The following LRRC28 variants were observed in gnomAD, a reference collection of about 807,000 sequenced individuals.
The protein encoded by LRRC28 is leucine-rich repeat-containing protein 28.
In LRRC28, 39 loss-of-function variants were observed where a neutral mutation model predicts 45.7. The ratio of observed to expected loss-of-function variants is 0.85; its 90% CI spans 0.66 to 1.12. The LOEUF is 1.12. Among genes scored for constraint, LRRC28 ranks in the 50% most tolerant of loss-of-function variants. The probability of loss-of-function intolerance (pLI) is 0.00; values close to 1 mark genes in which losing one functional copy is unlikely to be tolerated. For missense variants in LRRC28, 435 were observed against 438.5 expected (o/e 0.99, Z 0.07); for synonymous variants, 206 against 178.8 (o/e 1.15, Z -1.22).
rs115547993 is a variant in LRRC28, at chr15:99,311,080, C to T, written c.386-22843C>T. ...GTCTGCACACATGCCATTTCACTAC[C>T]CTTTTTGGTTTGCTTGCGTGGAGCT... On this transcript the variant is annotated intron_variant, in intron 5 of 9. Transcript: ENST00000301981. 2.7e-3 allele frequency among the ~76,000 whole-genome samples: 413 copies of T among 152,262 alleles called. 4 individuals are homozygous for T. The highest frequency in any genetic ancestry group is 9.3e-3 in the African/African-American group (385 of 41,554).
chr15:99,293,859 TAGTGC>T (rs2152227115), intron 5 of LRRC28, among the ~76,000 whole-genome samples: 1 of 152,296 alleles, frequency 6.6e-6, no homozygotes, highest in African/African-American at 2.4e-5. Flanking sequence ...GTATTTGTTT[TAGTGC>T]AGTTCTACTG....
At chr15:99,329,178 G>C (rs370047767) in intron 5 of LRRC28, among the ~76,000 whole-genome samples, 1 of 152,134 alleles carries the variant, frequency 6.6e-6, no homozygotes, top group Non-Finnish European at 1.5e-5. Context: ...TTAAGTGTAT[G>C]AGGCTACTTA....
chr15:99,324,479 T>C (rs1445836844), intron 5 of LRRC28, among the ~76,000 whole-genome samples: 6 of 152,130 alleles, frequency 3.9e-5, no homozygotes, highest in African/African-American at 7.2e-5. Context: ...AAGTCTGTCA[T>C]TGACTCTCTG....
intron 5 of LRRC28, among the ~76,000 whole-genome samples, chr15:99,316,623 G>A (rs950368299): frequency 6.6e-6 from 1 of 151,464 alleles, no homozygotes; most frequent in Non-Finnish European, 1.5e-5. Context: ...GCCTGTTTTT[G>A]CTTATAGGGA....
chr15:99,372,126 C>T (rs947623945), intron 9 of LRRC28, among the ~76,000 whole-genome samples: 14 of 152,178 alleles, frequency 9.2e-5, no homozygotes, highest in African/African-American at 1.9e-4. Context: ...GCTTGACTTC[C>T]TGTACGAGTC....
chr15:99,296,292 C>T (rs1026414114), intron 5 of LRRC28, among the ~76,000 whole-genome samples: 1 of 152,214 alleles, frequency 6.6e-6, no homozygotes, highest in Non-Finnish European at 1.5e-5. Flanking sequence ...GTTTCCTCAT[C>T]ACTTCCATTG....
chr15:99,333,873 AT>A, intron 5 of LRRC28, 49 bp from the exon 6 acceptor site: 1 of 1,568,288 alleles, frequency 6.4e-7, no homozygotes, highest in Non-Finnish European at 8.8e-7. Flanking sequence ...CATTTTGTTT[AT>A]TTCAGTTCAT....
chr15:99,286,978 A>C, intron 3 of LRRC28: 1 of 261,432 alleles, frequency 3.8e-6, no homozygotes, highest in Non-Finnish European at 7.3e-6. Context: ...TATGAAGTTA[A>C]AAAGACCTTA....
At chr15:99,366,580 C>T in intron 9 of LRRC28, among the ~76,000 whole-genome samples, 1 of 152,118 alleles carries the variant, frequency 6.6e-6, no homozygotes, top group East Asian at 1.9e-4. Flanking sequence ...CTCTTCCTAG[C>T]TTGCAGGCAA....
intron 6 of LRRC28, among the ~76,000 whole-genome samples, chr15:99,346,267 C>T (rs1956678942): frequency 6.6e-6 from 1 of 152,072 alleles, no homozygotes; most frequent in South Asian, 2.1e-4. Context: ...GCCTGGAACT[C>T]CTGGGCTCAA....
At chr15:99,380,859 G>A (rs553027446) in intron 9 of LRRC28, among the ~76,000 whole-genome samples, 89 of 152,256 alleles carry the variant, frequency 5.8e-4, no homozygotes, top group South Asian at 2.5e-3. Flanking sequence ...TTGACTGTTG[G>A]TCCCCACTCT....
chr15:99,351,654 C>G (rs1172016060), intron 6 of LRRC28, among the ~76,000 whole-genome samples: 1 of 152,194 alleles, frequency 6.6e-6, no homozygotes, highest in Non-Finnish European at 1.5e-5. Context: ...TGCCTGATCC[C>G]TAATCCTCCT....
At chr15:99,295,132 C>T (rs893570538) in intron 5 of LRRC28, among the ~76,000 whole-genome samples, 1 of 152,196 alleles carries the variant, frequency 6.6e-6, no homozygotes, top group African/African-American at 2.4e-5. Context: ...GTGAGTTACC[C>T]TGTCATGTCT....
At chr15:99,258,282 ACATCTGGGAGTCTGAAT>A in intron 2 of LRRC28, 1 of 1,543,064 alleles carries the variant, frequency 6.5e-7, no homozygotes, top group Non-Finnish European at 9.0e-7. Flanking sequence ...GATACCCAGT[ACATCTGGGAGTCTGAAT>A]CCAATGAATA....
chr15:99,353,265 C>T (rs1412419823), intron 7 of LRRC28, among the ~76,000 whole-genome samples: 4 of 152,148 alleles, frequency 2.6e-5, no homozygotes, highest in Non-Finnish European at 4.4e-5. Context: ...ATGTTTGACT[C>T]TCCCCTTCTA....
intron 6 of LRRC28, among the ~76,000 whole-genome samples, chr15:99,339,656 G>A (rs545549482): frequency 1.3e-4 from 20 of 151,782 alleles, no homozygotes; most frequent in Admixed American, 2.6e-4. Flanking sequence ...GCTTGAACCC[G>A]GGAGGTTGCA....
intron 2 of LRRC28, among the ~76,000 whole-genome samples, chr15:99,271,757 C>T (rs979883211): frequency 4.6e-5 from 7 of 152,072 alleles, no homozygotes; most frequent in South Asian, 2.1e-4. Flanking sequence ...CCACCACGCC[C>T]GGCTAATTTT....
At chr15:99,340,943 G>A (rs1181184691) in intron 6 of LRRC28, among the ~76,000 whole-genome samples, 3 of 152,148 alleles carry the variant, frequency 2.0e-5, no homozygotes, top group Non-Finnish European at 4.4e-5. Flanking sequence ...CACAAGAAAA[G>A]TTAGAGCTCT....
At chr15:99,269,544 C>T (rs2081419128) in intron 2 of LRRC28, among the ~76,000 whole-genome samples, 1 of 152,074 alleles carries the variant, frequency 6.6e-6, no homozygotes, top group South Asian at 2.1e-4. Context: ...GCTGGGATTA[C>T]AGGCACCCGC....
Sources: allele counts gnomAD v4.1 joint callset (sites outside exome capture counted in the v4.1 genomes callset), GRCh38; gene constraint gnomAD v4.1.1; transcripts MANE v1.5; gene names NCBI Gene and HGNC (gene_info 2026-07-23, HGNC 2026-07-21).